Variants in CRPPA observed in about 807,000 individuals in gnomAD.
The protein encoded by CRPPA is CDP-L-ribitol pyrophosphorylase A.
A neutral mutation model predicts 52.0 loss-of-function variants in CRPPA; 43 were observed. The observed-to-expected ratio is 0.83, with a 90% CI of 0.65 to 1.07. The LOEUF (loss-of-function observed/expected upper bound fraction) is 1.07, where lower values mean the gene tolerates loss of function less well. CRPPA is among the 50% of genes least tolerant of loss of function. The pLI, the probability that CRPPA is intolerant of heterozygous loss-of-function variation, is 0.00. For synonymous variants in CRPPA, 250 were observed against 203.5 expected (o/e 1.23, Z -1.94); for missense variants, 629 against 551.7 (o/e 1.14, Z -1.40).
At chr7:16,311,853 C>T (rs1446438688) in intron 3 of CRPPA, among the ~76,000 whole-genome samples, 6 of 152,090 alleles carry the variant, frequency 3.9e-5, no homozygotes, top group African/African-American at 1.4e-4. Context: ...GTTCCAACAA[C>T]ATTTGGTTGA....
intron 9 of CRPPA, among the ~76,000 whole-genome samples, chr7:16,177,824 T>G (rs1781332909): frequency 6.6e-6 from 1 of 152,084 alleles, no homozygotes; most frequent in African/African-American, 2.4e-5. Flanking sequence ...AAACCAACTA[T>G]CTTCTTACAT....
chr7:16,150,534 A>C (rs1395698118), intron 9 of CRPPA, among the ~76,000 whole-genome samples: 2 of 152,204 alleles, frequency 1.3e-5, no homozygotes, highest in African/African-American at 4.8e-5. Flanking sequence ...CCACATCAAA[A>C]ATGTGATATG....
chr7:16,249,494 G>C (rs1323928104), intron 8 of CRPPA, among the ~76,000 whole-genome samples: 1 of 152,196 alleles, frequency 6.6e-6, no homozygotes, highest in Non-Finnish European at 1.5e-5. Flanking sequence ...GCTGGCATCT[G>C]GTGGGTGCCC....
rs543364177 is a variant in CRPPA at position 16,315,038 on chromosome 7, T to C, written c.685-6411A>G. 3.9e-5 allele frequency among the ~76,000 whole-genome samples: 6 copies of C among 152,278 alleles called. No individual in the cohort carries two copies. The South Asian group carries it at 1.0e-3, about 26-fold the overall frequency. On this transcript the variant is annotated intron_variant, in intron 3 of 9. Transcript: ENST00000407010. ...TGTGTTTTACAGTTGCCCATGATTC[T>C]TGGATATTCTGTTATTTCCTCCATC...
intron 9 of CRPPA, among the ~76,000 whole-genome samples, chr7:16,093,856 A>G (rs1053607614): frequency 6.6e-6 from 1 of 152,178 alleles, no homozygotes; most frequent in African/African-American, 2.4e-5. Context: ...TATAACACAC[A>G]TCTATTCCTA....
At chr7:16,377,061 T>C (rs1415303105) in intron 2 of CRPPA, among the ~76,000 whole-genome samples, 5 of 152,214 alleles carry the variant, frequency 3.3e-5, no homozygotes, top group Admixed American at 1.3e-4. Flanking sequence ...GATTGCAGCA[T>C]ATGAAATTAG....
intron 9 of CRPPA, among the ~76,000 whole-genome samples, chr7:16,105,117 G>A (rs1395734939): frequency 1.3e-5 from 2 of 152,248 alleles, no homozygotes; most frequent in South Asian, 2.1e-4. Context: ...CATTATACAG[G>A]TGTAGAATAG....
At chr7:16,247,554 C>A (rs1783312388) in intron 8 of CRPPA, among the ~76,000 whole-genome samples, 1 of 152,052 alleles carries the variant, frequency 6.6e-6, no homozygotes, top group African/African-American at 2.4e-5. Flanking sequence ...TCATAGACTA[C>A]CCATAGCAGA....
At chr7:16,140,026 G>T (rs193161683) in intron 9 of CRPPA, among the ~76,000 whole-genome samples, 2 of 151,820 alleles carry the variant, frequency 1.3e-5, no homozygotes, top group Admixed American at 6.6e-5. Flanking sequence ...TTAAAAAAAA[G>T]TCAAGTAAAA....
chr7:16,289,163 A>C (rs571187186), intron 5 of CRPPA, among the ~76,000 whole-genome samples: 5 of 152,126 alleles, frequency 3.3e-5, no homozygotes, highest in Non-Finnish European at 7.4e-5. Flanking sequence ...AGGAGGAAAT[A>C]GAAAAACTTA....
At chr7:16,365,813 A>G (rs569950915) in intron 3 of CRPPA, among the ~76,000 whole-genome samples, 1 of 152,174 alleles carries the variant, frequency 6.6e-6, no homozygotes, top group East Asian at 1.9e-4. Context: ...ACACTGACAA[A>G]CAGATTCAAA....
intron 8 of CRPPA, among the ~76,000 whole-genome samples, chr7:16,222,292 G>T (rs1406691427): frequency 8.3e-6 from 1 of 120,108 alleles, no homozygotes; most frequent in Non-Finnish European, 1.7e-5. Context: ...TGGGGACTGT[G>T]TTGCGGTGGG....
chr7:16,305,160 G>C (rs79055123), intron 4 of CRPPA, among the ~76,000 whole-genome samples: 110 of 152,166 alleles, frequency 7.2e-4, no homozygotes, highest in African/African-American at 2.6e-3. Flanking sequence ...GTTATCAAAA[G>C]GGGTTAAATA....
chr7:16,264,686 C>G (rs1284836646), intron 6 of CRPPA, among the ~76,000 whole-genome samples: 1 of 152,236 alleles, frequency 6.6e-6, no homozygotes, highest in Non-Finnish European at 1.5e-5. Flanking sequence ...CTTCTAGCCT[C>G]TCTACCATTC....
intron 9 of CRPPA, among the ~76,000 whole-genome samples, chr7:16,135,282 T>A (rs777916712): frequency 6.6e-6 from 1 of 152,220 alleles, no homozygotes; most frequent in Non-Finnish European, 1.5e-5. Flanking sequence ...AGCAAAATGT[T>A]AACATATACC....
chr7:16,345,143 G>C (rs573073394), intron 3 of CRPPA, among the ~76,000 whole-genome samples: 1 of 152,250 alleles, frequency 6.6e-6, no homozygotes, highest in Non-Finnish European at 1.5e-5. Flanking sequence ...TCACCAATAA[G>C]ATTAACAGCT....
intron 5 of CRPPA, among the ~76,000 whole-genome samples, chr7:16,280,621 T>A (rs979270434): frequency 6.6e-6 from 1 of 152,190 alleles, no homozygotes; most frequent in Non-Finnish European, 1.5e-5. Context: ...TCATCATATA[T>A]CCCTCTTTAT....
chr7:16,266,215 T>G (rs1052383691), intron 6 of CRPPA: 1 of 152,196 alleles, frequency 6.6e-6, no homozygotes, highest in African/African-American at 2.4e-5. Flanking sequence ...GTCCTCCAAT[T>G]TCAATCTTCA....
intron 3 of CRPPA, among the ~76,000 whole-genome samples, chr7:16,323,388 C>T (rs1785305795): frequency 1.3e-5 from 2 of 152,092 alleles, no homozygotes; most frequent in Admixed American, 6.6e-5. Flanking sequence ...ATATGATTGT[C>T]AATAGAATGA....
Sources: allele counts gnomAD v4.1 joint callset (sites outside exome capture counted in the v4.1 genomes callset), GRCh38; gene constraint gnomAD v4.1.1; transcripts MANE v1.5; gene names NCBI Gene and HGNC (gene_info 2026-07-23, HGNC 2026-07-21).